The following DLC1 variants were observed in gnomAD, a reference collection of about 807,000 sequenced individuals.
The protein encoded by DLC1 is rho GTPase-activating protein 7.
In DLC1, 54 loss-of-function variants were observed where a neutral mutation model predicts 140.3. The observed-to-expected ratio is 0.38, with a 90% confidence interval of 0.31 to 0.48. DLC1 has a LOEUF of 0.48. DLC1 is among the 20% of genes least tolerant of loss of function. DLC1 has a pLI of 0.96. For missense variants in DLC1, 2,536 were observed against 1,907.0 expected (o/e 1.33, Z -6.14); for synonymous variants, 986 against 728.1 (o/e 1.35, Z -5.70).
chr8:13,581,536 C>G (rs1375369811), intron 1 of DLC1, among the ~76,000 whole-genome samples: 1 of 152,142 alleles, frequency 6.6e-6, no homozygotes, highest in Non-Finnish European at 1.5e-5. Context: ...TTTTCTTCAT[C>G]CAAGATTTAT....
At chr8:13,483,528 G>T (rs1477894960) in intron 2 of DLC1, among the ~76,000 whole-genome samples, 1 of 152,168 alleles carries the variant, frequency 6.6e-6, no homozygotes, top group African/African-American at 2.4e-5. Flanking sequence ...GAAGTATCAG[G>T]TAAGAAGAAA....
At chr8:13,273,147 A>C (rs1261704094) in intron 5 of DLC1, among the ~76,000 whole-genome samples, 1 of 152,236 alleles carries the variant, frequency 6.6e-6, no homozygotes, top group Admixed American at 6.5e-5. Flanking sequence ...AAAGCAGGCT[A>C]CAAGGCCCTC....
intron 4 of DLC1, among the ~76,000 whole-genome samples, chr8:13,389,052 G>T (rs1836641330): frequency 1.3e-5 from 2 of 152,010 alleles, no homozygotes; most frequent in Admixed American, 1.3e-4. Context: ...CATATCCTGT[G>T]TACTCTTGAT....
At chr8:13,192,570 A>G (rs1826823163) in intron 5 of DLC1, among the ~76,000 whole-genome samples, 1 of 152,172 alleles carries the variant, frequency 6.6e-6, no homozygotes, top group Non-Finnish European at 1.5e-5. Context: ...CATCTAAGTC[A>G]GGGTCTCTAG....
At chr8:13,139,288 C>CAAAAAAAAAAAA (rs67684524) in intron 5 of DLC1, among the ~76,000 whole-genome samples, 2 of 49,286 alleles carry the variant, frequency 4.1e-5, no homozygotes, top group Non-Finnish European at 7.3e-5. Flanking sequence ...GACCCTGTCT[C>CAAAAAAAAAAAA]AAAAAAAAAA....
intron 5 of DLC1, among the ~76,000 whole-genome samples, chr8:13,243,721 A>G (rs1829639919): frequency 3.3e-5 from 5 of 152,208 alleles, no homozygotes; most frequent in Admixed American, 2.0e-4. Flanking sequence ...CTTCCTTATC[A>G]TCAAGAAAAT....
chr8:13,444,040 C>A (rs13258569), intron 2 of DLC1, among the ~76,000 whole-genome samples: 1 of 152,244 alleles, frequency 6.6e-6, no homozygotes, highest in Non-Finnish European at 1.5e-5. Context: ...TGAAAATATT[C>A]TTCTCAAAAA....
At chr8:13,389,383 T>A (rs73551572) in intron 4 of DLC1, among the ~76,000 whole-genome samples, 3,472 of 152,100 alleles carry the variant, frequency 0.023, 123 homozygotes, top group African/African-American at 0.078. Context: ...GCACTTTACA[T>A]AACATGATAC....
At chr8:13,521,045 T>C (rs1287804718) in intron 1 of DLC1, among the ~76,000 whole-genome samples, 2 of 152,072 alleles carry the variant, frequency 1.3e-5, no homozygotes, top group Admixed American at 1.3e-4. Flanking sequence ...ACGTGGTCCA[T>C]ATACACCATG....
intron 5 of DLC1, among the ~76,000 whole-genome samples, chr8:13,175,045 C>T (rs9325875): frequency 0.71 from 108,536 of 152,044 alleles, 40,219 homozygotes; most frequent in African/African-American, 0.91. Context: ...TTTTTGAATA[C>T]AGTGAAAGGT....
intron 1 of DLC1, among the ~76,000 whole-genome samples, 174 bp downstream of exon 1, chr8:13,514,428 A>C (rs1802513699): frequency 6.6e-6 from 1 of 152,238 alleles, no homozygotes; most frequent in African/African-American, 2.4e-5. Flanking sequence ...CAGTTTGCTA[A>C]AACGAATTGA....
At chr8:13,298,378 T>C (rs1034262551) in intron 5 of DLC1, among the ~76,000 whole-genome samples, 6 of 152,182 alleles carry the variant, frequency 3.9e-5, no homozygotes, top group Non-Finnish European at 8.8e-5. Flanking sequence ...GGTTGAGTAG[T>C]AGGAGTAATG....
At chr8:13,518,820 G>A (rs1802675422), upstream of DLC1, among the ~76,000 whole-genome samples, 1 of 152,004 alleles carries the variant, frequency 6.6e-6, no homozygotes, top group South Asian at 2.1e-4. Flanking sequence ...AGAACACTTT[G>A]TCCATGAAAA....
chr8:13,399,226 A>C (rs1837188463), intron 3 of DLC1, among the ~76,000 whole-genome samples: 1 of 152,162 alleles, frequency 6.6e-6, no homozygotes, highest in Non-Finnish European at 1.5e-5. Flanking sequence ...ACATGCTCTG[A>C]CTGTCTGACA....
intron 5 of DLC1, among the ~76,000 whole-genome samples, chr8:13,215,069 C>G (rs1828131373): frequency 6.6e-6 from 1 of 152,142 alleles, no homozygotes; most frequent in Non-Finnish European, 1.5e-5. Context: ...GGGCAGTGTT[C>G]TAAGCAAAGG....
intron 4 of DLC1, among the ~76,000 whole-genome samples, chr8:13,380,384 C>T (rs904488523): frequency 2.0e-5 from 3 of 152,148 alleles, no homozygotes; most frequent in East Asian, 1.9e-4. Context: ...TTTAACATGT[C>T]GTCTGACCAT....
At chr8:13,099,011 T>G (rs1316566712) in intron 9 of DLC1, among the ~76,000 whole-genome samples, 3 of 140,118 alleles carry the variant, frequency 2.1e-5, no homozygotes, top group Non-Finnish European at 5.0e-5. Context: ...ATCCCATGCT[T>G]TAATCCCCAT....
chr8:13,303,816 A>G (rs1586099841), intron 5 of DLC1, among the ~76,000 whole-genome samples: 1 of 152,190 alleles, frequency 6.6e-6, no homozygotes, highest in East Asian at 1.9e-4. Context: ...AAAAATATTA[A>G]AAATAAAAAT....
intron 1 of DLC1, among the ~76,000 whole-genome samples, chr8:13,510,391 G>T (rs1327706747): frequency 6.6e-6 from 1 of 152,002 alleles, no homozygotes; most frequent in Non-Finnish European, 1.5e-5. Flanking sequence ...TGGTCAGGCT[G>T]GTCTCGAATT....
Sources: allele counts gnomAD v4.1 joint callset (sites outside exome capture counted in the v4.1 genomes callset), GRCh38; gene constraint gnomAD v4.1.1; transcripts MANE v1.5; gene names NCBI Gene and HGNC (gene_info 2026-07-23, HGNC 2026-07-21).